Variants in KRT28 observed in about 807,000 individuals in gnomAD.
The protein encoded by KRT28 is keratin 28.
In KRT28, 45 loss-of-function variants were observed where a neutral mutation model predicts 48.1. The observed-to-expected ratio is 0.94, with a 90% CI of 0.74 to 1.20. KRT28 has a LOEUF of 1.20. Ranked by LOEUF, KRT28 falls within the 50% of genes most tolerant of loss-of-function variation. The pLI, the probability that KRT28 is intolerant of heterozygous loss-of-function variation, is 0.00. For synonymous variants in KRT28, 228 were observed against 227.4 expected (o/e 1.00, Z -0.03); for missense variants, 571 against 574.1 (o/e 0.99, Z 0.06).
In KRT28 at chr17:40,796,986, C is replaced by T. The variant is rs760220348; in HGVS notation, c.908G>A (p.Arg303Gln). 8 of 1,612,786 alleles carry T rather than the reference C, an allele frequency of 5.0e-6. No individual in the cohort carries two copies. In the East Asian group the frequency reaches 1.3e-4, roughly 27 times the overall value. The change falls in exon 5 of 8, where the codon CGG becomes CAG. Residue 303 changes from arginine to glutamine, a missense_variant. Coordinates refer to ENST00000306658, the MANE Select transcript of KRT28 (RefSeq NM_181535.3). ...GCGCCTCATCTCGGTGAGCTGGCTC[C>T]GGGCGAAAGTGGCTGCGCCTGAGTC... Reference protein sequence around the residue: ...SHDSGAATFARSQLTEMRRTL... With the variant: ...SHDSGAATFAQSQLTEMRRTL...
In KRT28 at chr17:40,799,843, T is replaced by C; in HGVS notation, c.51A>G (p.Gly17=). Residue 17 remains glycine, a synonymous_variant, in exon 1 of 8, where the codon GGA becomes GGG. Coordinates refer to ENST00000306658, the MANE Select transcript of KRT28 (RefSeq NM_181535.3). The stretch of plus-strand genomic sequence containing the variant: ...CATTGAGGGGTCTGACAGATCCAGC[T>C]CCAGACCTTAAGCAAACATGCCTGG... The part of the protein sequence containing the change: ...NGSRHVCLRS[G]AGSVRPLNGG... 1 of 1,613,952 alleles carries C rather than the reference T, an allele frequency of 6.2e-7. No homozygotes were observed. The highest frequency in any genetic ancestry group is 1.3e-5 in the African/African-American group (1 of 75,042).
Position 40,795,389 on chromosome 17 carries a change from C to T in KRT28, c.979-1343G>A, listed in dbSNP as rs146603510. On this transcript the variant is annotated intron_variant, in intron 5 of 7. Transcript: ENST00000306658. Reference sequence around the variant, plus strand: ...TACACTCATAAGTCAGAGAGGACAGCGTCTCTACTTCACAGTCTTCCACCG... The same window carrying T: ...TACACTCATAAGTCAGAGAGGACAGTGTCTCTACTTCACAGTCTTCCACCG... Among the ~76,000 whole-genome samples, 80 of 152,244 alleles carry T rather than the reference C, an allele frequency of 5.3e-4. No homozygotes were observed. The Middle Eastern group carries it at 0.01, about 19-fold the overall frequency.
chr17:40,797,351 G>A (rs1419170574), intron 3 of KRT28, 70 bp from the exon 4 acceptor site: 2 of 1,456,352 alleles, frequency 1.4e-6, no homozygotes, highest in East Asian at 2.3e-5. Context: ...GTTCTCAAAC[G>A]TGTTACTTTA....
chr17:40,798,156 G>T, intron 3 of KRT28, 79 bp downstream of exon 3: 1 of 1,374,606 alleles, frequency 7.3e-7, no homozygotes, highest in Non-Finnish European at 1.0e-6. Context: ...AATTACTATT[G>T]TGATTTTAAC....
chr17:40,798,013 A>G (rs1015661030), intron 3 of KRT28, among the ~76,000 whole-genome samples: 3 of 152,186 alleles, frequency 2.0e-5, no homozygotes, highest in African/African-American at 7.2e-5. Context: ...TTGAGTGATT[A>G]TTATAGGCCA....
chr17:40,793,716 T>C (rs1904544082), intron 6 of KRT28, 113 bp downstream of exon 6: 1 of 996,630 alleles, frequency 1.0e-6, no homozygotes, highest in Non-Finnish European at 1.5e-6. Context: ...TGGACATGCT[T>C]TTCTGCAGTG....
chr17:40,797,120 C>T lies in KRT28; in HGVS notation c.852G>A (p.Lys284=). The change falls in exon 4 of 8, where the codon AAG becomes AAA. Residue 284 remains lysine (K), a splice_region_variant and synonymous_variant. Coordinates refer to ENST00000306658, the MANE Select transcript of KRT28 (RefSeq NM_181535.3). ...RKDAEAWFNE[K]SASLQQQISH... Reference sequence around the variant, plus strand: ...AGCAGGGAGACGGGGCCCACCTCACCTTCTCATTGAACCAGGCCTCCGCGT... The same window carrying T: ...AGCAGGGAGACGGGGCCCACCTCACTTTCTCATTGAACCAGGCCTCCGCGT... The T allele has an allele frequency of 6.2e-7, 1 of 1,613,600 alleles. No homozygotes were observed. Among genetic ancestry groups the T allele is most frequent in the Non-Finnish European group, 8.5e-7 (1 of 1,179,662 alleles).
intron 5 of KRT28, among the ~76,000 whole-genome samples, chr17:40,796,553 G>A (rs1245756029): frequency 1.3e-5 from 2 of 152,296 alleles, no homozygotes; most frequent in East Asian, 1.9e-4. Context: ...TGCCCTGTGG[G>A]ACACTAGCCC....
rs750595314 is a variant in KRT28, at chr17:40,798,282, C to CAATATGAG, written c.642_643insCTCATATT (p.Glu215LeufsTer6). On this transcript the variant is annotated frameshift_variant, in exon 3 of 8. Coordinates refer to ENST00000306658, the MANE Select transcript of KRT28 (RefSeq NM_181535.3). LOFTEE classifies it high-confidence loss of function. ...TATGTCATCTCCTCACTCAGAGACT[C>CAATATGAG]ATATTGCAGCTCCTGGTCGGTCCTG... is the stretch of plus-strand genomic sequence containing the variant. 1.6e-4 allele frequency: 262 copies of CAATATGAG among 1,613,374 alleles called. No homozygotes were observed. The highest frequency in any genetic ancestry group is 2.1e-4 in the Non-Finnish European group (252 of 1,179,400).
chr17:40,793,725 T>C, intron 6 of KRT28, 104 bp downstream of exon 6: 1 of 1,078,904 alleles, frequency 9.3e-7, no homozygotes, highest in East Asian at 2.4e-5. Flanking sequence ...TTTTCTGCAG[T>C]GGGAATGAAA....
At chr17:40,798,667 A>G (rs909975411) in intron 2 of KRT28, among the ~76,000 whole-genome samples, 8 of 152,198 alleles carry the variant, frequency 5.3e-5, no homozygotes, top group African/African-American at 1.9e-4. Flanking sequence ...TCCTTAGTTG[A>G]CTAATGATTT....
rs1229020312 is a variant in KRT28, at chr17:40,797,260, C to T, written c.712G>A (p.Ala238Thr). 3.1e-6 allele frequency: 5 copies of T among 1,613,716 alleles called. No homozygotes were observed. In the African/African-American group the frequency reaches 5.3e-5, roughly 17 times the overall value. ...TCCACGTTCACGTTGCCCCCAGCCG[C>T]GCACTGCAGAGCCTTCATCTCCTGG... ...HEEEMKALQCAAGGNVNVEMN... is the reference protein window; with the variant it reads ...HEEEMKALQCTAGGNVNVEMN... Residue 238 changes from alanine to threonine, a missense_variant, in exon 4 of 8, where the codon GCG becomes ACG. Coordinates refer to ENST00000306658, the MANE Select transcript of KRT28 (RefSeq NM_181535.3).
Position 40,797,151 on chromosome 17 carries a change from C to T in KRT28, c.821G>A (p.Arg274His), listed in dbSNP as rs748981632. 10 of 1,614,068 alleles carry T rather than the reference C, an allele frequency of 6.2e-6. No individual in the cohort carries two copies. In the East Asian group the frequency reaches 1.1e-4, roughly 18 times the overall value. The change falls in exon 4 of 8, where the codon CGC becomes CAC. Residue 274 changes from arginine to histidine, a missense_variant. Coordinates refer to ENST00000306658, the MANE Select transcript of KRT28 (RefSeq NM_181535.3). ...ATTGAACCAGGCCTCCGCGTCCTTG[C>T]GGTTCTGCTCTGCAAGGGCTTCGTA... is the stretch of plus-strand genomic sequence containing the variant. ...AEYEALAEQN[R>H]KDAEAWFNEK...
Position 40,799,565 on chromosome 17 carries a change from G to A in KRT28, c.329C>T (p.Ala110Val). 1 of 1,613,978 alleles carries A rather than the reference G, an allele frequency of 6.2e-7. No homozygotes were observed. Among genetic ancestry groups the A allele is most frequent in the Non-Finnish European group, 8.5e-7 (1 of 1,179,986 alleles). Reference sequence around the variant, plus strand: ...GATTTTTCTCTCTAATTCAGCATTTGCCTCCTCCAGAGCTCGCACATTATC... The same window carrying A: ...GATTTTTCTCTCTAATTCAGCATTTACCTCCTCCAGAGCTCGCACATTATC... ...YLDNVRALEE[A>V]NAELERKIKG... The change falls in exon 1 of 8, where the codon GCA (alanine) becomes GTA (valine). Residue 110 changes from alanine to valine, a missense_variant. Coordinates refer to ENST00000306658, the MANE Select transcript of KRT28 (RefSeq NM_181535.3).
intron 2 of KRT28, among the ~76,000 whole-genome samples, chr17:40,798,653 T>C (rs1391847398): frequency 6.6e-6 from 1 of 152,178 alleles, no homozygotes; most frequent in Non-Finnish European, 1.5e-5. Context: ...TTAGTTAACG[T>C]TTTTCCTTAG....
intron 7 of KRT28, 146 bp from the exon 8 acceptor site, chr17:40,792,715 A>G: frequency 1.6e-6 from 1 of 629,434 alleles, no homozygotes; most frequent in Non-Finnish European, 2.6e-6. Context: ...AGTTTTAGCC[A>G]CTTGATACTT....
chr17:40,798,463 T>G (rs1904673403), intron 2 of KRT28, 72 bp from the exon 3 acceptor site: 1 of 1,479,984 alleles, frequency 6.8e-7, no homozygotes, highest in African/African-American at 1.4e-5. Context: ...CAATCCCAAT[T>G]GCTTTAAACT....
In KRT28 at chr17:40,794,165, G is replaced by T. The variant is rs574817880; in HGVS notation, c.979-119C>A. The T allele has an allele frequency of 1.2e-4, 137 of 1,189,570 alleles. No individual in the cohort carries two copies. The South Asian group carries it at 1.8e-3, about 16-fold the overall frequency. 73.7% of individuals were successfully genotyped at this position (1,189,570 alleles called of 1,614,324 possible). ...GCAATTGTGGAAATTTGTGAGGCTT[G>T]TCACAATCAAATGGGAAAGAAAGGA... On this transcript the variant is annotated intron_variant, in intron 5 of 7. Coordinates refer to ENST00000306658, the MANE Select transcript of KRT28 (RefSeq NM_181535.3).
intron 5 of KRT28, among the ~76,000 whole-genome samples, chr17:40,795,035 T>G (rs1489644025): frequency 2.6e-5 from 4 of 152,226 alleles, no homozygotes; most frequent in African/African-American, 9.7e-5. Flanking sequence ...AAAAAATAAT[T>G]TTGTATATTT....
Sources: allele counts gnomAD v4.1 joint callset (sites outside exome capture counted in the v4.1 genomes callset), GRCh38; gene constraint gnomAD v4.1.1; transcripts MANE v1.5; gene names NCBI Gene and HGNC (gene_info 2026-07-23, HGNC 2026-07-21).